SPATA13: variants seen among roughly 807,000 people sequenced by gnomAD.
SPATA13 encodes the protein spermatogenesis-associated protein 13.
In SPATA13, 50 loss-of-function variants were observed where a neutral mutation model predicts 104.0. That is an observed-to-expected ratio of 0.48 (90% CI 0.38 to 0.61). The LOEUF (loss-of-function observed/expected upper bound fraction) is 0.61. Among genes scored for constraint, SPATA13 ranks in the 20% least tolerant of loss-of-function variants. The pLI, the probability that SPATA13 is intolerant of heterozygous loss-of-function variation, is 0.00. For synonymous variants in SPATA13, 606 were observed against 667.5 expected, an observed-to-expected ratio of 0.91 and a Z score of 1.42; for missense variants, 1,524 against 1,690.6, an observed-to-expected ratio of 0.90 and a Z score of 1.73.
At chr13:24,295,349 AC>A (rs2138762039) in intron 10 of SPATA13, among the ~76,000 whole-genome samples, 1 of 152,210 alleles carries the variant, frequency 6.6e-6, no homozygotes, top group East Asian at 1.9e-4. Context: ...AGTGGCTCAC[AC>A]CTGTAATCCC....
At chr13:24,296,985 T>G (rs1483917799) in intron 10 of SPATA13, among the ~76,000 whole-genome samples, 2 of 152,148 alleles carry the variant, frequency 1.3e-5, no homozygotes, top group Non-Finnish European at 2.9e-5. Flanking sequence ...TCCTAACACC[T>G]GAAGGAATCC....
intron 3 of SPATA13, chr13:24,122,043 C>G: frequency 1.3e-6 from 2 of 1,515,986 alleles, no homozygotes; most frequent in South Asian, 1.1e-5. Flanking sequence ...TACAATCACA[C>G]AGCAGGAAAG....
chr13:24,060,808 A>C (rs1040426120), intron 3 of SPATA13, among the ~76,000 whole-genome samples: 1 of 152,228 alleles, frequency 6.6e-6, no homozygotes, highest in African/African-American at 2.4e-5. Flanking sequence ...CATGCCTGTA[A>C]TCCCAGTACT....
intron 3 of SPATA13, among the ~76,000 whole-genome samples, chr13:24,149,567 G>A (rs1882036092): frequency 6.6e-6 from 1 of 152,174 alleles, no homozygotes; most frequent in Non-Finnish European, 1.5e-5. Flanking sequence ...ACTTTTTCAG[G>A]AATCAGAGAT....
At chr13:24,031,520 C>T (rs911798968) in intron 3 of SPATA13, among the ~76,000 whole-genome samples, 3 of 151,922 alleles carry the variant, frequency 2.0e-5, no homozygotes, top group Non-Finnish European at 2.9e-5. Context: ...GAATTACTGC[C>T]AAGATTTAAG....
intron 4 of SPATA13, chr13:24,252,974 A>G (rs1158195939): frequency 6.6e-6 from 1 of 152,200 alleles, no homozygotes; most frequent in Non-Finnish European, 1.5e-5. Flanking sequence ...AATACAAAAC[A>G]TTTAATTAAA....
chr13:23,983,153 C>T (rs8001760), intron 1 of SPATA13, among the ~76,000 whole-genome samples: 9,487 of 152,252 alleles, frequency 0.062, 337 homozygotes, highest in Middle Eastern at 0.12. Flanking sequence ...CAAAACACCA[C>T]AGCCTGGGGG....
At chr13:24,104,253 T>G (rs1880363469) in intron 3 of SPATA13, among the ~76,000 whole-genome samples, 1 of 150,982 alleles carries the variant, frequency 6.6e-6, no homozygotes, top group Non-Finnish European at 1.5e-5. Context: ...TTTTTTTTTG[T>G]TTTTTGGGTT....
chr13:24,132,934 C>T (rs886748278), intron 3 of SPATA13, among the ~76,000 whole-genome samples: 1 of 151,568 alleles, frequency 6.6e-6, no homozygotes, highest in African/African-American at 2.4e-5. Context: ...AAGATTGTAC[C>T]ACTGTACTTC....
rs202245045 is a variant in SPATA13 at position 24,030,066 on chromosome 13, G to A, written c.-112+12365G>A. On this transcript the variant is annotated intron_variant, in intron 3 of 14. Coordinates refer to the SPATA13 transcript ENST00000424834. ...TCTCCTAACACACACACACACACAC[G>A]CACACACACACACACACACACACAT... is the stretch of plus-strand genomic sequence containing the variant. Among the ~76,000 whole-genome samples, 103 of 145,418 alleles carry A rather than the reference G, an allele frequency of 7.1e-4. 1 individual carries two copies. Among genetic ancestry groups the A allele is most frequent in the East Asian group, 7.0e-3 (34 of 4,836 alleles).
intron 2 of SPATA13, among the ~76,000 whole-genome samples, chr13:24,009,399 G>C (rs1009106006): frequency 3.3e-5 from 5 of 152,206 alleles, no homozygotes; most frequent in African/African-American, 9.7e-5. Context: ...AGTGACCCAT[G>C]AGCTATGACA....
At chr13:24,195,093 T>C (rs573029857) in intron 1 of SPATA13, among the ~76,000 whole-genome samples, 1 of 152,316 alleles carries the variant, frequency 6.6e-6, no homozygotes, top group South Asian at 2.1e-4. Context: ...CCAATTCCTG[T>C]TAGCAGTCAT....
chr13:24,165,262 C>G (rs1355951861), intron 1 of SPATA13, among the ~76,000 whole-genome samples: 1 of 152,192 alleles, frequency 6.6e-6, no homozygotes, highest in Admixed American at 6.5e-5. Flanking sequence ...GATTCTGTGC[C>G]TGCCTCAGAC....
At chr13:24,036,921 G>A (rs4769309) in intron 3 of SPATA13, among the ~76,000 whole-genome samples, 35,623 of 151,298 alleles carry the variant, frequency 0.24, 4,438 homozygotes, top group Admixed American at 0.28. Context: ...GACTACAGGC[G>A]TGCACCACCA....
intron 3 of SPATA13, among the ~76,000 whole-genome samples, chr13:24,083,675 A>G (rs1470003205): frequency 3.9e-5 from 6 of 152,134 alleles, no homozygotes; most frequent in Non-Finnish European, 8.8e-5. Flanking sequence ...CTTTCTTCTG[A>G]TTTGCCCTGA....
At chr13:23,986,562 T>A (rs540489106) in intron 2 of SPATA13, among the ~76,000 whole-genome samples, 2 of 152,226 alleles carry the variant, frequency 1.3e-5, no homozygotes. Flanking sequence ...AGTCCCCTAG[T>A]GTCTCTAGGA....
At chr13:24,301,241 A>G (rs749661966) in intron 12 of SPATA13, among the ~76,000 whole-genome samples, 14 of 152,188 alleles carry the variant, frequency 9.2e-5, no homozygotes, top group Non-Finnish European at 1.8e-4. Context: ...CATGAAATGT[A>G]TCTCTTTTGG....
chr13:23,992,189 T>G (rs994905841), intron 2 of SPATA13, among the ~76,000 whole-genome samples: 3 of 152,154 alleles, frequency 2.0e-5, no homozygotes, highest in African/African-American at 7.2e-5. Flanking sequence ...AGTCCAACCA[T>G]GTGCTGTCAA....
chr13:24,080,013 ATG>A (rs992849049), intron 3 of SPATA13, among the ~76,000 whole-genome samples: 2 of 152,254 alleles, frequency 1.3e-5, no homozygotes, highest in African/African-American at 4.8e-5. Flanking sequence ...GTGCCTCAAA[ATG>A]GAAATGAAAC....
Sources: gnomAD v4.1 joint callset for allele counts (sites outside exome capture counted in the v4.1 genomes callset) on GRCh38, gnomAD v4.1.1 for gene constraint, MANE v1.5 for transcripts, NCBI Gene and HGNC (gene_info 2026-07-23, HGNC 2026-07-21) for gene names.